SRPRA: variants seen among roughly 807,000 people sequenced by gnomAD.
SRPRA encodes the protein signal recognition particle receptor subunit alpha.
In SRPRA, 30 loss-of-function variants were observed where a neutral mutation model predicts 61.1. The observed-to-expected ratio is 0.49, with a 90% CI of 0.37 to 0.67. The LOEUF (loss-of-function observed/expected upper bound fraction) is 0.67. Ranked by LOEUF, SRPRA falls within the 30% of genes least tolerant of loss-of-function variation. The pLI is 0.00. For missense variants in SRPRA, 759 were observed against 828.4 expected (o/e 0.92, Z 1.03); for synonymous variants, 324 against 299.7 (o/e 1.08, Z -0.84).
downstream of SRPRA, chr11:126,261,297 T>TGTTTCATTTCTAAATGCCC: frequency 1.5e-6 from 1 of 688,664 alleles, no homozygotes. Flanking sequence ...TCTCAATGAT[T>TGTTTCATTTCTAAATGCCC]GTTTCATTTC....
chr11:126,265,736 C>T lies in SRPRA; in HGVS notation c.1138+1G>A. The stretch of plus-strand genomic sequence containing the variant: ...ACTTTCTCACTTAGGTAAGTACTTA[C>T]TGCTGAACGTCCCCATCACCTTCCC... On this transcript the variant is annotated splice_donor_variant, in intron 9 of 13. Transcript: ENST00000332118. LOFTEE classifies it high-confidence loss of function. This position sits in a 1 kb window ranked among gnomAD's most constrained non-coding sequence, Gnocchi z 6.3. 1 of 1,614,190 alleles carries T rather than the reference C, an allele frequency of 6.2e-7. No homozygotes were observed.
At chr11:126,249,747 A>AG in the SRPRA span, among the ~76,000 whole-genome samples, 2 of 150,368 alleles carry the variant, frequency 1.3e-5, no homozygotes, top group South Asian at 4.2e-4. Flanking sequence ...AAAAAAAAAA[A>AG]AAAAAAAGAA....
chr11:126,257,198 A>C, the SRPRA span, among the ~76,000 whole-genome samples: 17 of 152,240 alleles, frequency 1.1e-4, no homozygotes, highest in Middle Eastern at 3.2e-3. Context: ...AAATTTATTC[A>C]TGGAGTATTT....
chr11:126,267,748 A>G lies in SRPRA; in HGVS notation c.202-36T>C. 3.1e-6 allele frequency: 5 copies of G among 1,612,768 alleles called. No individual in the cohort carries two copies. The highest frequency in any genetic ancestry group is 4.2e-6 in the Non-Finnish European group (5 of 1,179,238). On this transcript the variant is annotated intron_variant, in intron 2 of 13. Coordinates refer to ENST00000332118, the MANE Select transcript of SRPRA (RefSeq NM_003139.4). The surrounding 1 kb of genome is among the most constrained non-coding windows in gnomAD (Gnocchi z 4.2). Reference sequence around the variant, plus strand: ...GAAGAAACAGCCAACAGATCTGCTTACATACTAGCCTAGAATGGAGGGACG... The same window carrying G: ...GAAGAAACAGCCAACAGATCTGCTTGCATACTAGCCTAGAATGGAGGGACG...
At chr11:126,249,648 T>C in the SRPRA span, among the ~76,000 whole-genome samples, 20 of 149,830 alleles carry the variant, frequency 1.3e-4, no homozygotes, top group African/African-American at 4.9e-4. Flanking sequence ...GGAGAATTGC[T>C]TGAACCTGGC....
At chr11:126,237,850 C>T in the SRPRA span, among the ~76,000 whole-genome samples, 49 of 137,432 alleles carry the variant, frequency 3.6e-4, no homozygotes, top group Non-Finnish European at 6.4e-4. Flanking sequence ...AGCTAGACTC[C>T]GTCTCCAAAA....
downstream of SRPRA, among the ~76,000 whole-genome samples, chr11:126,259,882 G>A (rs1325752555): frequency 3.3e-5 from 5 of 149,920 alleles, no homozygotes; most frequent in Admixed American, 2.0e-4. Flanking sequence ...CACCACACCC[G>A]GCTAATTTTT....
In SRPRA at chr11:126,263,926, A is replaced by G; in HGVS notation, c.1907T>C (p.Met636Thr). 6.2e-7 allele frequency: 1 copy of G among 1,614,156 alleles called. No homozygotes were observed. Among genetic ancestry groups the G allele is most frequent in the Non-Finnish European group, 8.5e-7 (1 of 1,180,022 alleles). ...LNAKAVVAALMKA is the reference protein window; with the variant it reads ...LNAKAVVAALTKA ...TGGGCAAGAGCCACGTTAAGCCTTC[A>G]TGAGGGCAGCCACCACAGCCTTGGC... is the stretch of plus-strand genomic sequence containing the variant. The change falls in exon 14 of 14, where the codon ATG (methionine) becomes ACG (threonine). Residue 636 changes from methionine (M) to threonine (T), a missense_variant. Met to Thr is a moderately conservative substitution (Grantham distance 81). Transcript: ENST00000332118.
chr11:126,261,836 T>G (rs953798805), downstream of SRPRA, among the ~76,000 whole-genome samples: 1 of 152,010 alleles, frequency 6.6e-6, no homozygotes, highest in African/African-American at 2.4e-5. Flanking sequence ...AAAAAAAATT[T>G]TTTTAAATTG....
chr11:126,237,458 A>G, the SRPRA span, among the ~76,000 whole-genome samples: 85 of 144,128 alleles, frequency 5.9e-4, no homozygotes, highest in African/African-American at 2.1e-3. Context: ...GGCTGATCTC[A>G]AACTCCTGAC....
chr11:126,263,953 T>C lies in SRPRA; in HGVS notation c.1880A>G (p.Asn627Ser), dbSNP rs760752252. 2 of 1,614,204 alleles carry C rather than the reference T, an allele frequency of 1.2e-6. No individual in the cohort carries two copies. The highest frequency in any genetic ancestry group is 1.7e-4 in the Middle Eastern group (1 of 6,060). ...GAGGGCAGCCACCACAGCCTTGGCA[T>C]TGAGGCTGCGTAGGTCACAGTAGGT... is the stretch of plus-strand genomic sequence containing the variant. The part of the protein sequence containing the change: ...GQTYCDLRSL[N>S]AKAVVAALMK... Residue 627 changes from asparagine (N) to serine (S), a missense_variant, in exon 14 of 14, where the codon AAT becomes AGT. Asn to Ser is a conservative substitution (Grantham distance 46, BLOSUM62 1). This residue lies in a region of SRPRA where 284 missense variants were observed against 365.9 expected (regional missense o/e 0.78). Transcript: ENST00000332118.
chr11:126,255,464 T>C, the SRPRA span, among the ~76,000 whole-genome samples: 13 of 152,224 alleles, frequency 8.5e-5, no homozygotes, highest in Non-Finnish European at 1.9e-4. This position sits in a 1 kb window ranked among gnomAD's most constrained non-coding sequence, Gnocchi z 4.6. Flanking sequence ...GGCAGTCATT[T>C]CTGTGTTTTT....
rs114697024 is a variant in SRPRA at position 126,266,268 on chromosome 11, G to C, written c.851C>G (p.Thr284Ser). ...LSEDINLIRG[T>S]GSGGQLQDLD... ...ATCCTGAAGCTGCCCCCCAGACCCAGTCCCTCGAATCTGGAAGATACGGGG... is the reference window on the plus strand; with the variant it reads ...ATCCTGAAGCTGCCCCCCAGACCCACTCCCTCGAATCTGGAAGATACGGGG... The change falls in exon 7 of 14, where the codon ACT (threonine) becomes AGT (serine). Residue 284 changes from threonine to serine, a missense_variant. Coordinates refer to ENST00000332118, the MANE Select transcript of SRPRA (RefSeq NM_003139.4). 6.2e-7 allele frequency: 1 copy of C among 1,614,176 alleles called. No individual in the cohort carries two copies. The highest frequency in any genetic ancestry group is 2.2e-5 in the East Asian group (1 of 44,884).
chr11:126,266,462 C>G lies in SRPRA; in HGVS notation c.840+14G>C. 6.2e-7 allele frequency: 1 copy of G among 1,611,714 alleles called. No individual in the cohort carries two copies. The highest frequency in any genetic ancestry group is 1.1e-5 in the South Asian group (1 of 90,826). ...TTGTTGTTAAAGATCACTTTGACCC[C>G]TGTTACCTCTTACCAGGTTGATGTC... On this transcript the variant is annotated intron_variant, in intron 6 of 13. Transcript: ENST00000332118.
At chr11:126,239,121 G>A in the SRPRA span, among the ~76,000 whole-genome samples, 3 of 151,978 alleles carry the variant, frequency 2.0e-5, no homozygotes, top group South Asian at 4.1e-4. Flanking sequence ...GACTACAGAC[G>A]TGCCTAATTT....
Position 126,265,725 on chromosome 11 carries a change from G to A in SRPRA, c.1138+12C>T. On this transcript the variant is annotated intron_variant, in intron 9 of 13. Coordinates refer to ENST00000332118, the MANE Select transcript of SRPRA (RefSeq NM_003139.4). This position sits in a 1 kb window ranked among gnomAD's most constrained non-coding sequence, Gnocchi z 6.3. ...TACACATAAGCACTTTCTCACTTAG[G>A]TAAGTACTTACTGCTGAACGTCCCC... The A allele has an allele frequency of 6.2e-7, 1 of 1,613,950 alleles. No individual in the cohort carries two copies. Among genetic ancestry groups the A allele is most frequent in the Non-Finnish European group, 8.5e-7 (1 of 1,179,824 alleles).
At position 126,267,620 on chromosome 11, in the gene SRPRA, G is replaced by C; in HGVS notation, c.294C>G (p.Ile98Met). The change falls in exon 3 of 14, where the codon ATC becomes ATG. Residue 98 changes from isoleucine to methionine, a missense_variant. Transcript: ENST00000332118. This position sits in a 1 kb window ranked among gnomAD's most constrained non-coding sequence, Gnocchi z 4.2. ...ATAAACTTAAAGCACTTTGCTGTTG[G>C]ATCTCTGTGCGGTACTTGTCCCGAA... The part of the protein sequence containing the change: ...RLFRDKYRTE[I>M]QQQSALSLLN... 6.2e-7 allele frequency: 1 copy of C among 1,614,132 alleles called. No individual in the cohort carries two copies. The highest frequency in any genetic ancestry group is 1.1e-5 in the South Asian group (1 of 91,086).
chr11:126,238,569 C>G, the SRPRA span, among the ~76,000 whole-genome samples: 1 of 152,084 alleles, frequency 6.6e-6, no homozygotes, highest in African/African-American at 2.4e-5. Flanking sequence ...TGGGGGAAAT[C>G]TTGTATTTTA....
chr11:126,261,525 G>A (rs1209263927), downstream of SRPRA: 1 of 1,543,808 alleles, frequency 6.5e-7, no homozygotes, highest in Non-Finnish European at 8.9e-7. Context: ...CTCTGTAGCA[G>A]AAAGTCTTTC....
Sources: gnomAD v4.1 joint callset for allele counts (sites outside exome capture counted in the v4.1 genomes callset) on GRCh38, gnomAD v4.1.1 for gene constraint, gnomAD v4.1.1 regional missense constraint, Gnocchi (gnomAD v3.1) non-coding constraint, MANE v1.5 for transcripts, NCBI Gene and HGNC (gene_info 2026-07-23, HGNC 2026-07-21) for gene names.